Variants in GPATCH2L observed in about 807,000 individuals in gnomAD.
The protein encoded by GPATCH2L is G-patch domain containing 2 like, also known as G patch domain-containing protein 2-like.
A neutral mutation model predicts 57.4 loss-of-function variants in GPATCH2L; 31 were observed. The observed-to-expected ratio is 0.54, with a 90% CI of 0.41 to 0.73. GPATCH2L has a LOEUF of 0.73. GPATCH2L is among the 30% of genes least tolerant of loss of function. The probability of loss-of-function intolerance (pLI) is 0.00; values close to 1 mark genes in which losing one functional copy is unlikely to be tolerated. For missense variants in GPATCH2L, 481 were observed against 599.9 expected, an observed-to-expected ratio of 0.80 and a Z score of 2.07; for synonymous variants, 199 against 210.7, an observed-to-expected ratio of 0.94 and a Z score of 0.48.
rs33952472 is a variant in GPATCH2L at position 76,202,562 on chromosome 14, C to CAG, written c.*713_*714dup. 58,736 of 150,084 alleles carry CAG rather than the reference C, an allele frequency of 0.39. 13,813 individuals are homozygous for CAG. Among genetic ancestry groups the CAG allele is most frequent in the South Asian group, 0.55 (2,550 of 4,634 alleles). The allele number at this position is 150,084 out of a possible 1,614,324, so 9.3% of individuals were successfully genotyped here. A position where few individuals can be genotyped will look rare whatever the true frequency, so the allele number is the denominator to read the frequency against. On this transcript the variant is annotated 3_prime_UTR_variant, in exon 10 of 10. Transcript: ENST00000261530. ...ACACACACACACACACACACACACA[C>CAG]AGATTGGTATAATGGAGAAGATGGT... is the stretch of plus-strand genomic sequence containing the variant.
chr14:76,173,863 G>T, intron 5 of GPATCH2L: 1 of 522,442 alleles, frequency 1.9e-6, no homozygotes, highest in Non-Finnish European at 3.4e-6. Flanking sequence ...TGTCATTACA[G>T]TGTCTATTGC....
At chr14:76,231,307 C>A (rs1012474145) in intron 2 of GPATCH2L, among the ~76,000 whole-genome samples, 1 of 152,156 alleles carries the variant, frequency 6.6e-6, no homozygotes, top group Non-Finnish European at 1.5e-5. Context: ...TCACATCATC[C>A]GTCATCACGA....
At chr14:76,225,174 A>G (rs1454286721) in intron 1 of GPATCH2L, among the ~76,000 whole-genome samples, 1 of 152,204 alleles carries the variant, frequency 6.6e-6, no homozygotes, top group Non-Finnish European at 1.5e-5. Flanking sequence ...AGAGTGTTTA[A>G]AGAACACAGC....
chr14:76,213,117 T>A lies in GPATCH2L; in HGVS notation c.*11266T>A, dbSNP rs2040460112. On this transcript the variant is annotated 3_prime_UTR_variant, in exon 10 of 10. Transcript: ENST00000261530. ...GGCAGGCTAAAAGAATCAAGAAAAA[T>A]TAATTAGAAAAATGAGGAAACAAAG... 1 of 151,964 alleles carries A rather than the reference T, an allele frequency of 6.6e-6. No individual in the cohort carries two copies. The highest frequency in any genetic ancestry group is 6.6e-5 in the Admixed American group (1 of 15,248). The allele number at this position is 151,964 out of a possible 1,614,324, so 9.4% of individuals were successfully genotyped here.
chr14:76,160,168 A>G (rs1450583719), intron 2 of GPATCH2L, among the ~76,000 whole-genome samples: 1 of 152,084 alleles, frequency 6.6e-6, no homozygotes, highest in Non-Finnish European at 1.5e-5. Context: ...AAGAAACTGA[A>G]TGATGCTCAA....
intron 2 of GPATCH2L, among the ~76,000 whole-genome samples, chr14:76,162,436 C>CAAA (rs1247987917): frequency 6.6e-6 from 1 of 152,160 alleles, no homozygotes; most frequent in African/African-American, 2.4e-5. Context: ...GCAGAAGTGG[C>CAAA]AACCTATTGC....
intron 6 of GPATCH2L, among the ~76,000 whole-genome samples, chr14:76,177,662 T>C (rs12435962): frequency 0.2 from 29,794 of 149,842 alleles, 3,277 homozygotes; most frequent in African/African-American, 0.29. Context: ...GTTCAGTCTT[T>C]TACATTCCAT....
intron 8 of GPATCH2L, among the ~76,000 whole-genome samples, chr14:76,192,563 T>C (rs1213989981): frequency 6.6e-6 from 1 of 152,156 alleles, no homozygotes; most frequent in Non-Finnish European, 1.5e-5. Context: ...TTCTTTGTTA[T>C]TCATATTCTG....
chr14:76,196,733 CATTGAATATTTTATTTTCTTT>C (rs2040166709), intron 9 of GPATCH2L: 2 of 151,954 alleles, frequency 1.3e-5, no homozygotes, highest in African/African-American at 4.8e-5. Context: ...TTGAATATAC[CATTGAATATTTTATTTTCTTT>C]AGAAAATACT....
Position 76,154,687 on chromosome 14 carries a change from A to G in GPATCH2L, c.324A>G (p.Gln108=), listed in dbSNP as rs767573099. The G allele has an allele frequency of 6.2e-6, 10 of 1,614,094 alleles. No individual in the cohort carries two copies. In the South Asian group the frequency reaches 9.9e-5, roughly 16 times the overall value. ...PALNAIVKSK[Q]HSWHESDSFT... The stretch of plus-strand genomic sequence containing the variant: ...TCAATGCCATTGTCAAGAGTAAGCA[A>G]CATTCTTGGCATGAATCTGACTCCT... The change falls in exon 2 of 10, where the codon CAA becomes CAG. Residue 108 remains glutamine (Q), a synonymous_variant. Transcript: ENST00000261530. The surrounding 1 kb of genome is among the most constrained non-coding windows in gnomAD (Gnocchi z 4.4).
intron 9 of GPATCH2L, chr14:76,196,352 T>A (rs1253693471): frequency 2.3e-6 from 1 of 430,020 alleles, no homozygotes; most frequent in Non-Finnish European, 4.1e-6. Context: ...CAGTACATTC[T>A]TACTGCTTTT....
chr14:76,178,279 C>T (rs949200283), intron 7 of GPATCH2L: 7 of 1,468,660 alleles, frequency 4.8e-6, no homozygotes, highest in Admixed American at 2.0e-5. Context: ...CAGAATCCTG[C>T]GTTGAGAAGT....
intron 2 of GPATCH2L, among the ~76,000 whole-genome samples, chr14:76,165,018 A>C (rs2038764874): frequency 6.6e-6 from 1 of 152,186 alleles, no homozygotes; most frequent in South Asian, 2.1e-4. Flanking sequence ...TTCCTAGTAA[A>C]ATGTTGGGAG....
chr14:76,153,237 C>G (rs762995893), intron 1 of GPATCH2L, among the ~76,000 whole-genome samples: 2 of 152,180 alleles, frequency 1.3e-5, no homozygotes, highest in Non-Finnish European at 2.9e-5. Context: ...GAGAGTGGCA[C>G]CACTTAGAAT....
At position 76,213,509 on chromosome 14, in the gene GPATCH2L, G is replaced by T. The variant is rs2040464690; in HGVS notation, c.*11658G>T. 6.6e-6 allele frequency: 1 copy of T among 152,092 alleles called. No individual in the cohort carries two copies. Among genetic ancestry groups the T allele is most frequent in the Admixed American group, 6.6e-5 (1 of 15,256 alleles). 9.4% of individuals were successfully genotyped at this position (152,092 alleles called of 1,614,324 possible). ...TTTTTTATTTTACATTTTAAAGCAT[G>T]GAATGGAATTTATTGTAAAGACGTG... On this transcript the variant is annotated 3_prime_UTR_variant, in exon 10 of 10. Coordinates refer to ENST00000261530, the MANE Select transcript of GPATCH2L (RefSeq NM_017926.4).
rs1035832808 is a variant in GPATCH2L at position 76,155,243 on chromosome 14, T to G, written c.662+218T>G. Among the ~76,000 whole-genome samples, 4 of 152,240 alleles carry G rather than the reference T, an allele frequency of 2.6e-5. 1 individual carries two copies. The highest frequency in any genetic ancestry group is 2.6e-4 in the Admixed American group (4 of 15,288). On this transcript the variant is annotated intron_variant, in intron 2 of 9. Coordinates refer to ENST00000261530, the MANE Select transcript of GPATCH2L (RefSeq NM_017926.4). ...CTATATGTAATAGAAACACAGTTGT[T>G]TCTAAAAACTGTTTAAAACGCGTAC... is the stretch of plus-strand genomic sequence containing the variant.
chr14:76,200,816 G>A (rs1246973824), intron 9 of GPATCH2L, among the ~76,000 whole-genome samples: 1 of 152,116 alleles, frequency 6.6e-6, no homozygotes, highest in African/African-American at 2.4e-5. Context: ...TTCTGGGACT[G>A]GAATTATTGG....
intron 2 of GPATCH2L, among the ~76,000 whole-genome samples, chr14:76,157,820 G>A (rs1052401258): frequency 1.9e-4 from 29 of 152,020 alleles, no homozygotes; most frequent in African/African-American, 6.3e-4. Flanking sequence ...TTCTGTTTCT[G>A]GTCTTCCTTT....
At chr14:76,162,113 C>T (rs528365346) in intron 2 of GPATCH2L, among the ~76,000 whole-genome samples, 1 of 102,126 alleles carries the variant, frequency 9.8e-6, no homozygotes, top group East Asian at 3.0e-4. Flanking sequence ...AGTGACTTAG[C>T]TGGATGGTTC....
Sources: gnomAD v4.1 joint callset for allele counts (sites outside exome capture counted in the v4.1 genomes callset) on GRCh38, gnomAD v4.1.1 for gene constraint, Gnocchi (gnomAD v3.1) non-coding constraint, MANE v1.5 for transcripts, NCBI Gene and HGNC (gene_info 2026-07-23, HGNC 2026-07-21) for gene names.